VEPH1: variants seen among roughly 807,000 people sequenced by gnomAD.
VEPH1 encodes the protein ventricular zone expressed PH domain containing 1.
Under a neutral mutation model 85.2 loss-of-function variants are expected in VEPH1, and 80 were observed. The observed-to-expected ratio is 0.94, with a 90% CI of 0.78 to 1.13. VEPH1 has a LOEUF of 1.13. Ranked by LOEUF, VEPH1 falls within the 50% of genes most tolerant of loss-of-function variation. VEPH1 has a pLI of 0.00. For missense variants in VEPH1, 955 were observed against 980.5 expected, an observed-to-expected ratio of 0.97 and a Z score of 0.35; for synonymous variants, 297 against 348.0, an observed-to-expected ratio of 0.85 and a Z score of 1.63.
At chr3:157,369,192 A>AAAACAAAAAAAAAAAAAAAC (rs1553773120) in intron 7 of VEPH1, among the ~76,000 whole-genome samples, 2 of 142,702 alleles carry the variant, frequency 1.4e-5, no homozygotes, top group East Asian at 4.2e-4. Flanking sequence ...AAAAAAAAAA[A>AAAACAAAAAAAAAAAAAAAC]AAAAAAAAAA....
intron 4 of VEPH1, among the ~76,000 whole-genome samples, chr3:157,438,320 C>T (rs1733836855): frequency 6.6e-6 from 1 of 152,050 alleles, no homozygotes; most frequent in Non-Finnish European, 1.5e-5. Flanking sequence ...ATTTCCACGT[C>T]TTCTAATTTT....
chr3:157,331,665 C>A (rs1722518585), intron 9 of VEPH1, among the ~76,000 whole-genome samples: 1 of 152,226 alleles, frequency 6.6e-6, no homozygotes, highest in South Asian at 2.1e-4. Flanking sequence ...GAGAATTACA[C>A]TTCTTGCAGC....
chr3:157,402,479 T>C (rs1031583145), intron 6 of VEPH1, among the ~76,000 whole-genome samples: 2 of 152,208 alleles, frequency 1.3e-5, no homozygotes, highest in East Asian at 1.9e-4. Context: ...CTGGAGAGAA[T>C]GTAGACAGGA....
chr3:157,295,370 G>A (rs980546186), intron 11 of VEPH1, among the ~76,000 whole-genome samples: 11 of 151,358 alleles, frequency 7.3e-5, no homozygotes, highest in Non-Finnish European at 7.4e-5. Context: ...AGTTCGTGGA[G>A]GCAGTGAGCT....
chr3:157,332,472 T>C (rs1161384025), intron 9 of VEPH1, among the ~76,000 whole-genome samples: 1 of 152,214 alleles, frequency 6.6e-6, no homozygotes, highest in Non-Finnish European at 1.5e-5. Context: ...GGATATTTTA[T>C]ATAAATGGAA....
intron 2 of VEPH1, among the ~76,000 whole-genome samples, chr3:157,481,886 A>G (rs1738130831): frequency 6.7e-6 from 1 of 149,230 alleles, no homozygotes; most frequent in African/African-American, 2.5e-5. Context: ...TTGTCAAAAC[A>G]TTGCTAAGTT....
intron 10 of VEPH1, 140 bp from the exon 11 acceptor site, chr3:157,313,895 T>C: frequency 9.0e-7 from 1 of 1,116,386 alleles, no homozygotes; most frequent in South Asian, 1.7e-5. Context: ...AAAAGATCTG[T>C]CTTAAAGATC....
intron 6 of VEPH1, among the ~76,000 whole-genome samples, chr3:157,402,617 C>T (rs928245347): frequency 2.6e-5 from 4 of 152,048 alleles, no homozygotes; most frequent in African/African-American, 9.7e-5. Context: ...GATGTTTAGA[C>T]CTTTATAGGA....
chr3:157,395,580 T>A (rs1459506825), intron 6 of VEPH1, among the ~76,000 whole-genome samples: 1 of 152,098 alleles, frequency 6.6e-6, no homozygotes, highest in African/African-American at 2.4e-5. Context: ...TCCACTTGAT[T>A]ATTAAAATCC....
chr3:157,313,006 G>C (rs1184292986), intron 11 of VEPH1, among the ~76,000 whole-genome samples: 1 of 142,938 alleles, frequency 7.0e-6, no homozygotes, highest in Admixed American at 7.4e-5. Context: ...CCGGGTTCAC[G>C]CCATTCTCCT....
intron 11 of VEPH1, among the ~76,000 whole-genome samples, chr3:157,295,565 A>T (rs1351491061): frequency 6.6e-6 from 1 of 152,258 alleles, no homozygotes; most frequent in Admixed American, 6.5e-5. Context: ...CTGGAATTTT[A>T]AATGTCTCCA....
intron 1 of VEPH1, among the ~76,000 whole-genome samples, chr3:157,497,459 A>G (rs1241125648): frequency 6.6e-6 from 1 of 152,178 alleles, no homozygotes; most frequent in Non-Finnish European, 1.5e-5. Flanking sequence ...TCTCTAAGGA[A>G]AATCAGCACA....
intron 7 of VEPH1, among the ~76,000 whole-genome samples, chr3:157,376,864 T>G (rs1412955951): frequency 2.6e-5 from 4 of 152,212 alleles, no homozygotes; most frequent in Non-Finnish European, 5.9e-5. Context: ...TGTTTTGAAT[T>G]TTATCATCTT....
chr3:157,454,014 A>T (rs955133673), intron 4 of VEPH1, among the ~76,000 whole-genome samples: 2 of 152,212 alleles, frequency 1.3e-5, no homozygotes, highest in Non-Finnish European at 2.9e-5. Context: ...AGCATTTTTT[A>T]AAAACCCAAA....
At chr3:157,271,277 G>A (rs1246408013) in intron 12 of VEPH1, among the ~76,000 whole-genome samples, 1 of 152,150 alleles carries the variant, frequency 6.6e-6, no homozygotes, top group Non-Finnish European at 1.5e-5. Flanking sequence ...AGCCTGCGAG[G>A]GTCCAGCTAG....
chr3:157,444,563 A>C (rs1319500314), intron 4 of VEPH1, among the ~76,000 whole-genome samples: 1 of 152,226 alleles, frequency 6.6e-6, no homozygotes, highest in Non-Finnish European at 1.5e-5. Flanking sequence ...CACACTGGGC[A>C]CATGCAAAGT....
intron 4 of VEPH1, 126 bp downstream of exon 4, chr3:157,460,055 C>T: frequency 3.1e-6 from 5 of 1,595,358 alleles, no homozygotes; most frequent in Non-Finnish European, 3.4e-6. Context: ...CAACTGGCAG[C>T]AAAACAGAGA....
intron 11 of VEPH1, among the ~76,000 whole-genome samples, chr3:157,303,386 A>G (rs1356255016): frequency 1.3e-5 from 2 of 152,222 alleles, no homozygotes; most frequent in Admixed American, 6.5e-5. Context: ...TAGTCTCTGC[A>G]CAGTGGTTGG....
In VEPH1 at chr3:157,473,067, C is replaced by CTTTTT. The variant is rs200991031; in HGVS notation, c.139-2543_139-2539dup. Reference sequence around the variant, plus strand: ...ATTAGTTTTTGCTGATTAAATGAACCTTTTTTTTTTTTTTTTTTTTTTTTT... The same window carrying CTTTTT: ...ATTAGTTTTTGCTGATTAAATGAACCTTTTTTTTTTTTTTTTTTTTTTTTTTTTTT... On this transcript the variant is annotated intron_variant, in intron 2 of 13. Coordinates refer to ENST00000362010, the MANE Select transcript of VEPH1 (RefSeq NM_001167912.2). 3.1e-3 allele frequency among the ~76,000 whole-genome samples: 258 copies of CTTTTT among 82,710 alleles called. 2 individuals are homozygous for CTTTTT. Among genetic ancestry groups the CTTTTT allele is most frequent in the Middle Eastern group, 8.8e-3 (1 of 114 alleles). 54.3% of individuals were successfully genotyped at this position (82,710 alleles called of 152,430 possible).
Sources: gnomAD v4.1 joint callset for allele counts (sites outside exome capture counted in the v4.1 genomes callset) on GRCh38, gnomAD v4.1.1 for gene constraint, MANE v1.5 for transcripts, NCBI Gene and HGNC (gene_info 2026-07-23, HGNC 2026-07-21) for gene names.